RBPJ: variants seen among roughly 807,000 people sequenced by gnomAD.
The protein encoded by RBPJ is recombining binding protein suppressor of hairless.
RBPJ carries 9 observed loss-of-function variants against 67.8 expected under a neutral mutation model. The ratio of observed to expected loss-of-function variants is 0.13; its 90% CI spans 0.08 to 0.23. The LOEUF (loss-of-function observed/expected upper bound fraction) is 0.23, where lower values mean the gene tolerates loss of function less well. Among genes scored for constraint, RBPJ ranks in the 10% least tolerant of loss-of-function variants. RBPJ has a pLI of 1.00. For missense variants in RBPJ, 305 were observed against 595.6 expected, an observed-to-expected ratio of 0.51 and a Z score of 5.08; for synonymous variants, 198 against 203.3, an observed-to-expected ratio of 0.97 and a Z score of 0.22.
chr4:26,160,481 T>C (rs1160306061), upstream of RBPJ, among the ~76,000 whole-genome samples: 1 of 152,206 alleles, frequency 6.6e-6, no homozygotes, highest in Non-Finnish European at 1.5e-5. Context: ...TTATGCAATG[T>C]CCCCTAGAGC....
chr4:26,398,885 T>A (rs1253113518), intron 2 of RBPJ, among the ~76,000 whole-genome samples: 1 of 152,230 alleles, frequency 6.6e-6, no homozygotes, highest in Admixed American at 6.5e-5. Context: ...GTGCTGGGAT[T>A]ACAGGCGGGA....
chr4:26,317,368 A>T (rs1436052545), upstream of RBPJ, among the ~76,000 whole-genome samples: 1 of 152,152 alleles, frequency 6.6e-6, no homozygotes, highest in Non-Finnish European at 1.5e-5. Flanking sequence ...TTGGAGCTGA[A>T]AGTGTGCTTG....
chr4:26,338,683 C>G (rs1271689257), intron 1 of RBPJ, among the ~76,000 whole-genome samples: 4 of 150,876 alleles, frequency 2.7e-5, no homozygotes, highest in Non-Finnish European at 5.9e-5. Context: ...TTAAACAGTT[C>G]TCTGCCTCAG....
chr4:26,213,320 A>C (rs890193315), intron 1 of RBPJ, among the ~76,000 whole-genome samples: 2 of 152,192 alleles, frequency 1.3e-5, no homozygotes, highest in African/African-American at 2.4e-5. Flanking sequence ...AAATCCCCCA[A>C]ATTTCACACC....
chr4:26,222,637 T>C (rs1475408649), intron 1 of RBPJ, among the ~76,000 whole-genome samples: 11 of 140,982 alleles, frequency 7.8e-5, no homozygotes, highest in Non-Finnish European at 1.7e-4. Flanking sequence ...CTCTGAAATA[T>C]ATATATATAT....
At chr4:26,160,553 C>A (rs1716056256), upstream of RBPJ, among the ~76,000 whole-genome samples, 1 of 152,170 alleles carries the variant, frequency 6.6e-6, no homozygotes, top group South Asian at 2.1e-4. Flanking sequence ...GTAACAAACA[C>A]CCCCACATCT....
chr4:26,183,223 A>C (rs1236476742), intron 1 of RBPJ, among the ~76,000 whole-genome samples: 1 of 152,234 alleles, frequency 6.6e-6, no homozygotes, highest in Non-Finnish European at 1.5e-5. Flanking sequence ...CATTACTCAT[A>C]AACATGTGAG....
At chr4:26,165,530 A>T (rs1716240354) in intron 1 of RBPJ, among the ~76,000 whole-genome samples, 1 of 152,146 alleles carries the variant, frequency 6.6e-6, no homozygotes, top group Non-Finnish European at 1.5e-5. Flanking sequence ...AATAAATGTA[A>T]AATGATTCTA....
At chr4:26,353,109 T>C (rs1726978142) in intron 1 of RBPJ, among the ~76,000 whole-genome samples, 1 of 152,266 alleles carries the variant, frequency 6.6e-6, no homozygotes, top group South Asian at 2.1e-4. Flanking sequence ...GGCACTTGTA[T>C]ATTTTCAGCC....
intron 1 of RBPJ, among the ~76,000 whole-genome samples, chr4:26,228,216 A>C (rs1361293996): frequency 6.6e-6 from 1 of 152,216 alleles, no homozygotes; most frequent in Non-Finnish European, 1.5e-5. Flanking sequence ...ATCTGGTTGT[A>C]ATTTCAGCAG....
At chr4:26,184,490 G>A (rs1028400005) in intron 1 of RBPJ, among the ~76,000 whole-genome samples, 1 of 152,104 alleles carries the variant, frequency 6.6e-6, no homozygotes, top group African/African-American at 2.4e-5. Context: ...TATCACGGAG[G>A]GTGGTCAGAT....
intron 1 of RBPJ, among the ~76,000 whole-genome samples, chr4:26,236,883 C>T (rs1236148134): frequency 6.6e-6 from 1 of 152,188 alleles, no homozygotes; most frequent in Admixed American, 6.5e-5. Flanking sequence ...GTGCTCAATG[C>T]CTGCCTATAC....
At chr4:26,418,672 C>CA (rs756323462) in intron 4 of RBPJ, among the ~76,000 whole-genome samples, 3 of 152,258 alleles carry the variant, frequency 2.0e-5, no homozygotes, top group South Asian at 4.1e-4. Context: ...TTTTAACACT[C>CA]AAAAGCCATC....
chr4:26,155,401 C>T, the RBPJ span, among the ~76,000 whole-genome samples: 1 of 151,448 alleles, frequency 6.6e-6, no homozygotes, highest in Non-Finnish European at 1.5e-5. Flanking sequence ...CTGAGCTGCT[C>T]ACCTTTTTCT....
chr4:26,255,272 C>A (rs375188529), intron 1 of RBPJ, among the ~76,000 whole-genome samples: 1 of 138,032 alleles, frequency 7.2e-6, no homozygotes, highest in Admixed American at 7.1e-5. Flanking sequence ...GGCGTGGTGG[C>A]GGGCGCCTGT....
chr4:26,152,025 C>T, the RBPJ span, among the ~76,000 whole-genome samples: 1 of 152,178 alleles, frequency 6.6e-6, no homozygotes, highest in East Asian at 1.9e-4. Flanking sequence ...GCCCCTAGAA[C>T]AGTTGACAGT....
At chr4:26,252,306 C>T (rs1720141624) in intron 1 of RBPJ, among the ~76,000 whole-genome samples, 1 of 152,082 alleles carries the variant, frequency 6.6e-6, no homozygotes, top group Admixed American at 6.6e-5. Flanking sequence ...TTTAAAGTCA[C>T]ATTCTTTGAC....
chr4:26,270,485 G>C (rs2109263403), intron 1 of RBPJ, among the ~76,000 whole-genome samples: 1 of 151,264 alleles, frequency 6.6e-6, no homozygotes, highest in African/African-American at 2.4e-5. Context: ...GATGAAAGGA[G>C]GGAGGAAGGA....
At chr4:26,308,165 A>G (rs572458566) in intron 1 of RBPJ, among the ~76,000 whole-genome samples, 102 of 152,256 alleles carry the variant, frequency 6.7e-4, no homozygotes, top group Admixed American at 1.3e-3. Context: ...AGTCCCAGCT[A>G]GTCGGGAGGC....
Sources: gnomAD v4.1 joint callset for allele counts (sites outside exome capture counted in the v4.1 genomes callset) on GRCh38, gnomAD v4.1.1 for gene constraint, MANE v1.5 for transcripts, NCBI Gene and HGNC (gene_info 2026-07-23, HGNC 2026-07-21) for gene names.